Variants in CWF19L2 observed in about 807,000 individuals in gnomAD.
CWF19L2 encodes CWF19 like cell cycle control factor 2.
Under a neutral mutation model 111.7 loss-of-function variants are expected in CWF19L2, and 98 were observed. That is an observed-to-expected ratio of 0.88 (90% CI 0.75 to 1.04). CWF19L2 has a LOEUF of 1.04. CWF19L2 is among the 50% of genes least tolerant of loss of function. The probability of loss-of-function intolerance (pLI) is 0.00; values close to 1 mark genes in which losing one functional copy is unlikely to be tolerated. For synonymous variants in CWF19L2, 351 were observed against 342.9 expected (o/e 1.02, Z -0.26); for missense variants, 1,101 against 1,051.4 (o/e 1.05, Z -0.65).
intron 12 of CWF19L2, among the ~76,000 whole-genome samples, chr11:107,364,469 C>T (rs79558394): frequency 8.0e-4 from 116 of 145,496 alleles, no homozygotes; most frequent in Middle Eastern, 3.5e-3. Context: ...TTATAACAAA[C>T]TCTCTCTCAG....
chr11:107,378,624 G>T (rs1018509589), intron 12 of CWF19L2, among the ~76,000 whole-genome samples: 22 of 151,750 alleles, frequency 1.4e-4, no homozygotes, highest in Non-Finnish European at 1.5e-5. Context: ...TTGTGGGGTG[G>T]AGGGAGGAGG....
intron 10 of CWF19L2, among the ~76,000 whole-genome samples, chr11:107,412,958 G>A (rs372665388): frequency 9.1e-4 from 138 of 152,326 alleles, no homozygotes; most frequent in Middle Eastern, 3.4e-3. Context: ...ATCCGAGGTT[G>A]CCAGGAGTTA....
intron 10 of CWF19L2, among the ~76,000 whole-genome samples, chr11:107,415,237 C>T (rs986663020): frequency 1.3e-5 from 2 of 152,064 alleles, no homozygotes; most frequent in Non-Finnish European, 2.9e-5. Flanking sequence ...ATGACTACTG[C>T]GCTCTTCACT....
intron 8 of CWF19L2, among the ~76,000 whole-genome samples, chr11:107,419,904 GGAAA>G (rs1861280149): frequency 6.6e-6 from 1 of 151,782 alleles, no homozygotes; most frequent in Non-Finnish European, 1.5e-5. Context: ...CTAACAGAAA[GGAAA>G]GAAAGGGAGA....
rs547976252 is a variant in CWF19L2 at position 107,338,221 on chromosome 11, G to A, written c.2203-1508C>T. 3.3e-5 allele frequency among the ~76,000 whole-genome samples: 5 copies of A among 152,196 alleles called. No individual in the cohort carries two copies. In the South Asian group the frequency reaches 6.2e-4, roughly 19 times the overall value. On this transcript the variant is annotated intron_variant, in intron 14 of 17. Coordinates refer to ENST00000282251, the MANE Select transcript of CWF19L2 (RefSeq NM_152434.3). The stretch of plus-strand genomic sequence containing the variant: ...GAGTAGCTACTCAGGGACTAAAGGT[G>A]CACCACCATGGCCAGCTCCTGTTAC...
At chr11:107,360,710 T>C (rs1860315174) in intron 12 of CWF19L2, among the ~76,000 whole-genome samples, 1 of 152,242 alleles carries the variant, frequency 6.6e-6, no homozygotes, top group South Asian at 2.1e-4. Context: ...CTCACTGTGG[T>C]TTTAATGCCC....
At chr11:107,344,865 G>A (rs996866879) in intron 14 of CWF19L2, among the ~76,000 whole-genome samples, 1 of 152,126 alleles carries the variant, frequency 6.6e-6, no homozygotes, top group Non-Finnish European at 1.5e-5. Flanking sequence ...TCAGAAGAAA[G>A]GGAGATACTA....
intron 12 of CWF19L2, among the ~76,000 whole-genome samples, chr11:107,385,434 G>T (rs536659554): frequency 6.6e-6 from 1 of 151,636 alleles, no homozygotes; most frequent in Non-Finnish European, 1.5e-5. Flanking sequence ...TTAAAAGTCT[G>T]GACTGAATGT....
intron 10 of CWF19L2, among the ~76,000 whole-genome samples, chr11:107,408,744 G>GA (rs1216914450): frequency 6.6e-6 from 1 of 151,814 alleles, no homozygotes; most frequent in Non-Finnish European, 1.5e-5. Context: ...CTTGGCTGGG[G>GA]AAAAAACTAG....
chr11:107,437,487 T>C (rs779425379), intron 6 of CWF19L2, among the ~76,000 whole-genome samples: 64 of 152,288 alleles, frequency 4.2e-4, no homozygotes, highest in Non-Finnish European at 7.6e-4. Flanking sequence ...CAACACTATC[T>C]ACATATGCAG....
chr11:107,382,102 T>C (rs929557599), intron 12 of CWF19L2, among the ~76,000 whole-genome samples: 1 of 152,204 alleles, frequency 6.6e-6, no homozygotes, highest in Non-Finnish European at 1.5e-5. Context: ...TGCCTGAGTT[T>C]ACGTTGCCAA....
rs1460009533 is a variant in CWF19L2, at chr11:107,437,097, TA to T, written c.664+1992del. Among the ~76,000 whole-genome samples the T allele has an allele frequency of 1.1e-4, 17 of 152,312 alleles. 1 individual carries two copies. Among genetic ancestry groups the T allele is most frequent in the Middle Eastern group, 3.4e-3 (1 of 294 alleles). On this transcript the variant is annotated intron_variant, in intron 6 of 17. Coordinates refer to ENST00000282251, the MANE Select transcript of CWF19L2 (RefSeq NM_152434.3). ...ATTGAAAATATGTCCCTTCAATCAT[TA>T]CAAAAACCTGTTGATAAAACCTTCC... is the stretch of plus-strand genomic sequence containing the variant.
intron 17 of CWF19L2, 113 bp from the exon 18 acceptor site, chr11:107,327,166 A>G: frequency 1.8e-6 from 2 of 1,081,166 alleles, no homozygotes; most frequent in Non-Finnish European, 2.6e-6. Context: ...CTCCATGACA[A>G]TGTTCAAGCA....
At chr11:107,376,566 C>A (rs1430586613) in intron 12 of CWF19L2, among the ~76,000 whole-genome samples, 2 of 53,018 alleles carry the variant, frequency 3.8e-5, no homozygotes, top group Admixed American at 2.0e-4. Flanking sequence ...ATTCAACAAC[C>A]CTTCATGCTA....
In CWF19L2 at chr11:107,418,271, A is replaced by T. The variant is rs1348153658; in HGVS notation, c.1450T>A (p.Ser484Thr). The T allele has an allele frequency of 6.2e-7, 1 of 1,611,930 alleles. No homozygotes were observed. Among genetic ancestry groups the T allele is most frequent in the Non-Finnish European group, 8.5e-7 (1 of 1,178,086 alleles). Residue 484 changes from serine (S) to threonine (T), a missense_variant, in exon 9 of 18, where the codon TCC becomes ACC. Coordinates refer to ENST00000282251, the MANE Select transcript of CWF19L2 (RefSeq NM_152434.3). ...STFAGSPERE[S>T]IHILSVDEKN... is the part of the protein sequence containing the mutation. ...TCATCAACACTCAGGATGTGAATGG[A>T]CTCACGCTCTGGACTGCTATTGGAA...
At chr11:107,448,190 A>G (rs1036333419) in intron 3 of CWF19L2, among the ~76,000 whole-genome samples, 2 of 151,906 alleles carry the variant, frequency 1.3e-5, no homozygotes, top group African/African-American at 4.8e-5. Context: ...CTAAAAATAC[A>G]AACAATTAGC....
intron 3 of CWF19L2, among the ~76,000 whole-genome samples, chr11:107,450,725 G>T (rs187673870): frequency 3.9e-5 from 6 of 151,968 alleles, no homozygotes; most frequent in Admixed American, 6.6e-5. Context: ...AACTGAAGAG[G>T]CTTTATTAAT....
chr11:107,413,217 T>C (rs1861182290), intron 10 of CWF19L2, among the ~76,000 whole-genome samples: 1 of 152,190 alleles, frequency 6.6e-6, no homozygotes, highest in South Asian at 2.1e-4. Context: ...GCTGTGCTTA[T>C]GGAGGGGCAG....
intron 3 of CWF19L2, among the ~76,000 whole-genome samples, chr11:107,443,710 C>T (rs916843366): frequency 6.6e-6 from 1 of 152,304 alleles, no homozygotes; most frequent in African/African-American, 2.4e-5. Context: ...ACAGGGGAAA[C>T]ACCACCCAGG....
Sources: allele counts gnomAD v4.1 joint callset (sites outside exome capture counted in the v4.1 genomes callset), GRCh38; gene constraint gnomAD v4.1.1; transcripts MANE v1.5; gene names NCBI Gene and HGNC (gene_info 2026-07-23, HGNC 2026-07-21).